The following CATSPERB variants were observed in gnomAD, a reference collection of about 807,000 sequenced individuals.
CATSPERB encodes catsper channel auxiliary subunit beta.
CATSPERB carries 93 observed loss-of-function variants against 128.3 expected under a neutral mutation model. The ratio of observed to expected loss-of-function variants is 0.72; its 90% CI spans 0.61 to 0.86. The LOEUF (loss-of-function observed/expected upper bound fraction) is 0.86, where lower values mean the gene tolerates loss of function less well. CATSPERB is among the 40% of genes least tolerant of loss of function. The pLI, the probability that CATSPERB is intolerant of heterozygous loss-of-function variation, is 0.00. For missense variants in CATSPERB, 1,153 were observed against 1,329.5 expected, an observed-to-expected ratio of 0.87 and a Z score of 2.06; for synonymous variants, 381 against 448.8, an observed-to-expected ratio of 0.85 and a Z score of 1.91.
chr14:91,668,901 G>A (rs150440412), intron 14 of CATSPERB, among the ~76,000 whole-genome samples: 18 of 152,318 alleles, frequency 1.2e-4, no homozygotes, highest in African/African-American at 1.2e-4. Flanking sequence ...AACACTCACC[G>A]CGAGGGTCCG....
chr14:91,587,477 CTTTTTTTTTTTT>C lies in CATSPERB; in HGVS notation c.3058-213_3058-202del, dbSNP rs3029803. ...AAGTGGAGGGATTCAATAGCTGATA[CTTTTTTTTTTTT>C]TTTTTTTTTTTTTTTTAGAATGAGG... On this transcript the variant is annotated intron_variant, in intron 25 of 26. Transcript: ENST00000256343. Among the ~76,000 whole-genome samples the C allele has an allele frequency of 9.8e-5, 10 of 101,542 alleles. 1 individual carries two copies. Among genetic ancestry groups the C allele is most frequent in the African/African-American group, 2.3e-4 (6 of 26,632 alleles). 66.6% of individuals were successfully genotyped at this position (101,542 alleles called of 152,430 possible). A position where few individuals can be genotyped will look rare whatever the true frequency, so the allele number is the denominator to read the frequency against.
chr14:91,723,839 T>C lies in CATSPERB; in HGVS notation c.169-650A>G, dbSNP rs1328280616. Reference sequence around the variant, plus strand: ...TGCCCCTGTGGAATTAACATTCTAATGGAGATTGGCAAGTAGACAAACTGG... The same window carrying C: ...TGCCCCTGTGGAATTAACATTCTAACGGAGATTGGCAAGTAGACAAACTGG... On this transcript the variant is annotated intron_variant, in intron 3 of 26. Transcript: ENST00000256343. Among the ~76,000 whole-genome samples, 7 of 107,934 alleles carry C rather than the reference T, an allele frequency of 6.5e-5. No homozygotes were observed. In the East Asian group the frequency reaches 1.7e-3, roughly 26 times the overall value. The allele number at this position is 107,934 out of a possible 152,430, so 70.8% of individuals were successfully genotyped here.
At chr14:91,604,970 T>C (rs1893674049) in intron 22 of CATSPERB, 1 of 1,175,432 alleles carries the variant, frequency 8.5e-7, no homozygotes. Flanking sequence ...GAAGTATTTC[T>C]GTCCCTGAAA....
At chr14:91,700,792 G>T (rs940885008) in intron 7 of CATSPERB, among the ~76,000 whole-genome samples, 3 of 151,980 alleles carry the variant, frequency 2.0e-5, no homozygotes, top group African/African-American at 7.3e-5. Context: ...GAAGTATGGC[G>T]ACAATAGACA....
rs997595993 is a variant in CATSPERB, at chr14:91,691,656, C to T, written c.832-101G>A. ...CTAAAGGAAATAAACCATATAAATT[C>T]GTTGAAACAAAATTATAACTAAATT... On this transcript the variant is annotated intron_variant, in intron 9 of 26. Transcript: ENST00000256343. The T allele has an allele frequency of 2.3e-5, 20 of 861,118 alleles. No homozygotes were observed. In the Middle Eastern group the frequency reaches 1.3e-3, roughly 54 times the overall value. The allele number at this position is 861,118 out of a possible 1,614,324, so 53.3% of individuals were successfully genotyped here.
At chr14:91,698,244 A>T (rs1360147596) in intron 7 of CATSPERB, among the ~76,000 whole-genome samples, 1 of 152,052 alleles carries the variant, frequency 6.6e-6, no homozygotes, top group Non-Finnish European at 1.5e-5. Context: ...TTGAAACTTT[A>T]CTGAAATTGT....
At chr14:91,695,019 T>C (rs1178850050) in intron 7 of CATSPERB, among the ~76,000 whole-genome samples, 6 of 152,202 alleles carry the variant, frequency 3.9e-5, no homozygotes, top group African/African-American at 1.4e-4. Flanking sequence ...TAAGGAAAGC[T>C]GTAGAAGGAA....
At chr14:91,629,757 C>A (rs1428511517) in intron 17 of CATSPERB, among the ~76,000 whole-genome samples, 1 of 152,056 alleles carries the variant, frequency 6.6e-6, no homozygotes, top group Admixed American at 6.6e-5. Flanking sequence ...AGGCAGCTAC[C>A]TTAATTATGA....
intron 3 of CATSPERB, among the ~76,000 whole-genome samples, chr14:91,723,801 A>C (rs1896072764): frequency 6.6e-6 from 1 of 152,218 alleles, no homozygotes; most frequent in Non-Finnish European, 1.5e-5. Flanking sequence ...TGAATAAAAC[A>C]GACAGAACTC....
At chr14:91,696,731 A>G (rs1342146146) in intron 7 of CATSPERB, among the ~76,000 whole-genome samples, 1 of 152,144 alleles carries the variant, frequency 6.6e-6, no homozygotes, top group African/African-American at 2.4e-5. Context: ...GATGTTGGAG[A>G]GAAAGATGAG....
At chr14:91,622,791 T>A (rs2139788941) in intron 18 of CATSPERB, among the ~76,000 whole-genome samples, 1 of 152,294 alleles carries the variant, frequency 6.6e-6, no homozygotes, top group Non-Finnish European at 1.5e-5. Flanking sequence ...GTTACCTTTA[T>A]TCACTGTCTC....
intron 15 of CATSPERB, among the ~76,000 whole-genome samples, chr14:91,649,416 C>T (rs1421273986): frequency 1.3e-5 from 2 of 151,886 alleles, no homozygotes; most frequent in Non-Finnish European, 2.9e-5. Flanking sequence ...GATGCTCCCG[C>T]CTTGGCCTCC....
At chr14:91,633,715 A>G (rs181037227) in intron 17 of CATSPERB, among the ~76,000 whole-genome samples, 33 of 152,204 alleles carry the variant, frequency 2.2e-4, no homozygotes, top group Non-Finnish European at 4.6e-4. Context: ...CAATAGATAC[A>G]CGAGAAATAT....
chr14:91,641,161 G>A (rs1261488045), intron 15 of CATSPERB, among the ~76,000 whole-genome samples: 1 of 147,590 alleles, frequency 6.8e-6, no homozygotes, highest in Non-Finnish European at 1.5e-5. Flanking sequence ...AGTAGGTTGT[G>A]AAAATTTTCT....
At chr14:91,694,640 T>A (rs1208760962) in intron 7 of CATSPERB, among the ~76,000 whole-genome samples, 1 of 152,114 alleles carries the variant, frequency 6.6e-6, no homozygotes, top group Non-Finnish European at 1.5e-5. Context: ...AATTAAAATG[T>A]AAACTCCAAG....
At chr14:91,700,765 GA>G (rs1566735299) in intron 7 of CATSPERB, among the ~76,000 whole-genome samples, 1 of 152,038 alleles carries the variant, frequency 6.6e-6, no homozygotes, top group East Asian at 1.9e-4. Context: ...TTGTAGGTGG[GA>G]GCTACTCACA....
intron 15 of CATSPERB, among the ~76,000 whole-genome samples, chr14:91,647,853 G>A (rs963512338): frequency 6.6e-6 from 1 of 152,164 alleles, no homozygotes; most frequent in Non-Finnish European, 1.5e-5. Context: ...TTCCCTTAGA[G>A]TTTGGCCTGG....
intron 14 of CATSPERB, among the ~76,000 whole-genome samples, chr14:91,666,257 G>T (rs766915903): frequency 2.6e-5 from 4 of 152,186 alleles, no homozygotes; most frequent in Admixed American, 6.5e-5. Context: ...GCTTATCCTT[G>T]CCCTAAGACA....
At chr14:91,687,327 T>C (rs1406291437) in intron 10 of CATSPERB, among the ~76,000 whole-genome samples, 1 of 152,154 alleles carries the variant, frequency 6.6e-6, no homozygotes, top group African/African-American at 2.4e-5. Context: ...ATAGGCTGTA[T>C]GGGAGGGAGG....
Sources: gnomAD v4.1 joint callset for allele counts (sites outside exome capture counted in the v4.1 genomes callset) on GRCh38, gnomAD v4.1.1 for gene constraint, MANE v1.5 for transcripts, NCBI Gene and HGNC (gene_info 2026-07-23, HGNC 2026-07-21) for gene names.